Variants in RFX3 observed in about 807,000 individuals in gnomAD.
The protein encoded by RFX3 is transcription factor RFX3.
RFX3 carries 14 observed loss-of-function variants against 98.6 expected under a neutral mutation model. The observed-to-expected ratio is 0.14, with a 90% CI of 0.09 to 0.22. The LOEUF is 0.22. Among genes scored for constraint, RFX3 ranks in the 10% least tolerant of loss-of-function variants. RFX3 has a pLI of 1.00. For synonymous variants in RFX3, 383 were observed against 328.4 expected, an observed-to-expected ratio of 1.17 and a Z score of -1.80; for missense variants, 639 against 926.9, an observed-to-expected ratio of 0.69 and a Z score of 4.03.
At chr9:3,468,815 G>GAAAAAAAAAAAAAAAAAAAA (rs34057815) in intron 1 of RFX3, among the ~76,000 whole-genome samples, 14 of 84,274 alleles carry the variant, frequency 1.7e-4, no homozygotes, top group East Asian at 5.2e-4. Flanking sequence ...TTTTCCTTTT[G>GAAAAAAAAAAAAAAAAAAAA]AAAAAAAAAA....
intron 1 of RFX3, among the ~76,000 whole-genome samples, chr9:3,471,069 C>T (rs1489444213): frequency 6.6e-6 from 1 of 152,104 alleles, no homozygotes; most frequent in Admixed American, 6.5e-5. Context: ...TTATTTTATA[C>T]AGATGAGAGT....
chr9:3,412,353 T>C (rs1204401092), intron 1 of RFX3, among the ~76,000 whole-genome samples: 1 of 152,156 alleles, frequency 6.6e-6, no homozygotes, highest in African/African-American at 2.4e-5. Flanking sequence ...TACCACACCA[T>C]TTTATAAGGA....
chr9:3,498,348 C>G (rs199714593), intron 1 of RFX3, among the ~76,000 whole-genome samples: 1 of 152,076 alleles, frequency 6.6e-6, no homozygotes, highest in East Asian at 1.9e-4. Flanking sequence ...GTTCAAATAG[C>G]CTGTTTTCTT....
intron 9 of RFX3, among the ~76,000 whole-genome samples, chr9:3,274,454 T>A (rs1373166810): frequency 6.6e-6 from 1 of 152,082 alleles, no homozygotes; most frequent in Non-Finnish European, 1.5e-5. Flanking sequence ...TAATCCATTA[T>A]CCCCTTTTTG....
At position 3,422,283 on chromosome 9, in the gene RFX3, T is replaced by A. The variant is rs186191562; in HGVS notation, c.-8-26687A>T. Among the ~76,000 whole-genome samples the A allele has an allele frequency of 2.5e-3, 374 of 152,318 alleles. 3 individuals carry two copies. Among genetic ancestry groups the A allele is most frequent in the African/African-American group, 8.7e-3 (360 of 41,550 alleles). On this transcript the variant is annotated intron_variant, in intron 1 of 16. Transcript: ENST00000617270. ...ACTCCAGAGTCAACAATGGCTATGT[T>A]CTACATTCCCAAACTGACCCTGAAA... is the stretch of plus-strand genomic sequence containing the variant.
chr9:3,494,785 C>G (rs1288123486), intron 1 of RFX3, among the ~76,000 whole-genome samples: 2 of 152,030 alleles, frequency 1.3e-5, no homozygotes, highest in Non-Finnish European at 2.9e-5. Flanking sequence ...AAGACAGATT[C>G]TCACATCTAG....
chr9:3,250,284 A>G (rs1042627249), intron 14 of RFX3, among the ~76,000 whole-genome samples: 1 of 152,082 alleles, frequency 6.6e-6, no homozygotes, highest in African/African-American at 2.4e-5. Flanking sequence ...AATTGCATTT[A>G]TCTTGCTGAA....
chr9:3,513,963 A>G (rs1817891014), intron 1 of RFX3, among the ~76,000 whole-genome samples: 1 of 152,206 alleles, frequency 6.6e-6, no homozygotes, highest in Non-Finnish European at 1.5e-5. Context: ...TCTAAAAATA[A>G]GGAGATCAAA....
Position 3,341,854 on chromosome 9 carries a change from T to A in RFX3, c.215+4813A>T, listed in dbSNP as rs117247613. 4.0e-3 allele frequency among the ~76,000 whole-genome samples: 605 copies of A among 152,288 alleles called. 2 individuals carry two copies. Among genetic ancestry groups the A allele is most frequent in the Middle Eastern group, 0.014 (4 of 294 alleles). On this transcript the variant is annotated intron_variant, in intron 3 of 16. Transcript: ENST00000617270. Reference sequence around the variant, plus strand: ...ATGTGTACATACGTAGAAGCATAAATGAAGAAAGCACCTCTGCATCTCAAT... The same window carrying A: ...ATGTGTACATACGTAGAAGCATAAAAGAAGAAAGCACCTCTGCATCTCAAT...
At chr9:3,243,734 C>T (rs1427055080) in intron 15 of RFX3, among the ~76,000 whole-genome samples, 1 of 152,136 alleles carries the variant, frequency 6.6e-6, no homozygotes, top group African/African-American at 2.4e-5. Context: ...AACTATTTAA[C>T]TGACACCTTT....
At chr9:3,386,160 G>A (rs1291960116) in intron 2 of RFX3, among the ~76,000 whole-genome samples, 2 of 152,084 alleles carry the variant, frequency 1.3e-5, no homozygotes, top group Non-Finnish European at 2.9e-5. Flanking sequence ...AAGCAGCACT[G>A]GTTTCTAAAA....
chr9:3,362,970 A>G (rs1254662768), intron 2 of RFX3, among the ~76,000 whole-genome samples: 4 of 152,218 alleles, frequency 2.6e-5, no homozygotes, highest in Non-Finnish European at 4.4e-5. Flanking sequence ...TAAAATACAT[A>G]AACCTATTTT....
chr9:3,406,035 CA>C (rs1380656301), intron 1 of RFX3, among the ~76,000 whole-genome samples: 1 of 152,126 alleles, frequency 6.6e-6, no homozygotes, highest in African/African-American at 2.4e-5. Flanking sequence ...GCTCACTCTG[CA>C]GCCTCAACCT....
At chr9:3,379,813 G>A (rs892898558) in intron 2 of RFX3, among the ~76,000 whole-genome samples, 2 of 152,052 alleles carry the variant, frequency 1.3e-5, no homozygotes, top group Admixed American at 6.5e-5. Flanking sequence ...TCTGTAAAAC[G>A]CTTTGCAGTT....
intron 4 of RFX3, among the ~76,000 whole-genome samples, chr9:3,312,778 G>T (rs1830114863): frequency 6.6e-6 from 1 of 152,202 alleles, no homozygotes; most frequent in Non-Finnish European, 1.5e-5. Context: ...TAGCACACCA[G>T]TCTGAGATTG....
intron 2 of RFX3, 126 bp from the exon 3 acceptor site, chr9:3,346,890 T>A: frequency 1.5e-6 from 1 of 658,368 alleles, no homozygotes; most frequent in East Asian, 2.7e-5. Flanking sequence ...TAAGAAAAAC[T>A]ATTAGATTCA....
At chr9:3,307,163 G>A (rs1003796110) in intron 4 of RFX3, among the ~76,000 whole-genome samples, 1 of 152,136 alleles carries the variant, frequency 6.6e-6, no homozygotes, top group South Asian at 2.1e-4. Context: ...ACGATGAACT[G>A]TGAGCTATAC....
chr9:3,445,351 C>T (rs1347665191), intron 1 of RFX3, among the ~76,000 whole-genome samples: 1 of 151,928 alleles, frequency 6.6e-6, no homozygotes, highest in Non-Finnish European at 1.5e-5. Context: ...GAATATTTAT[C>T]ATAGGCCTAG....
chr9:3,428,957 T>C (rs1844372497), intron 1 of RFX3, among the ~76,000 whole-genome samples: 1 of 151,698 alleles, frequency 6.6e-6, no homozygotes, highest in Admixed American at 6.6e-5. Context: ...TAATACTCTC[T>C]AATACTCTCT....
Sources: allele counts gnomAD v4.1 joint callset (sites outside exome capture counted in the v4.1 genomes callset), GRCh38; gene constraint gnomAD v4.1.1; transcripts MANE v1.5; gene names NCBI Gene and HGNC (gene_info 2026-07-23, HGNC 2026-07-21).